The following CBFA2T3 variants were observed in gnomAD, a reference collection of about 807,000 sequenced individuals.
CBFA2T3 encodes the protein CBFA2/RUNX1 partner transcriptional co-repressor 3, also known as transcriptional corepressor CBFA2T3.
Under a neutral mutation model 58.6 loss-of-function variants are expected in CBFA2T3, and 31 were observed. That is an observed-to-expected ratio of 0.53 (90% CI 0.40 to 0.71). The LOEUF (loss-of-function observed/expected upper bound fraction) is 0.71, where lower values mean the gene tolerates loss of function less well. Among genes scored for constraint, CBFA2T3 ranks in the 30% least tolerant of loss-of-function variants. The pLI, the probability that CBFA2T3 is intolerant of heterozygous loss-of-function variation, is 0.00. For missense variants in CBFA2T3, 1,076 were observed against 963.1 expected (o/e 1.12, Z -1.55); for synonymous variants, 531 against 421.9 (o/e 1.26, Z -3.17).
Position 88,875,430 on chromosome 16 carries a change from T to G in CBFA2T3, c.*1546A>C, listed in dbSNP as rs961131786. ...GCCAGAGGCGAACGCATCTGAGGGG[T>G]GGCTGGGCAGGAGCACCAGGGCTAT... On this transcript the variant is annotated 3_prime_UTR_variant, in exon 12 of 12. Transcript: ENST00000268679. The G allele has an allele frequency of 4.3e-6, 1 of 230,626 alleles. No homozygotes were observed. Among genetic ancestry groups the G allele is most frequent in the Non-Finnish European group, 8.5e-6 (1 of 117,684 alleles). 14.3% of individuals were successfully genotyped at this position (230,626 alleles called of 1,614,324 possible). A position where few individuals can be genotyped will look rare whatever the true frequency, so the allele number is the denominator to read the frequency against.
At chr16:88,938,868 G>A (rs1291655384) in intron 1 of CBFA2T3, 4 of 152,194 alleles carry the variant, frequency 2.6e-5, no homozygotes, top group East Asian at 1.9e-4. Context: ...ACCTGCTAAC[G>A]GTGCAGCAGG....
At chr16:88,971,703 G>A (rs1037855492) in intron 1 of CBFA2T3, among the ~76,000 whole-genome samples, 1 of 152,240 alleles carries the variant, frequency 6.6e-6, no homozygotes, top group Non-Finnish European at 1.5e-5. Context: ...CAAAGGGTGG[G>A]TGGGCGGCCC....
intron 1 of CBFA2T3, among the ~76,000 whole-genome samples, chr16:88,927,345 T>C (rs1047368225): frequency 6.6e-6 from 1 of 152,144 alleles, no homozygotes; most frequent in African/African-American, 2.4e-5. Context: ...CTGGGCCCCA[T>C]CTGTGGGGAG....
chr16:88,950,496 G>A (rs1404246161), intron 1 of CBFA2T3: 1 of 404,954 alleles, frequency 2.5e-6, no homozygotes, highest in Non-Finnish European at 4.8e-6. Context: ...CCGCCACAGA[G>A]GGTCAGGAGT....
chr16:88,957,319 G>A lies in CBFA2T3; in HGVS notation c.151+19338C>T, dbSNP rs543382990. Among the ~76,000 whole-genome samples the A allele has an allele frequency of 3.3e-5, 5 of 152,278 alleles. No individual in the cohort carries two copies. The East Asian group carries it at 7.7e-4, about 24-fold the overall frequency. ...CTTTCCCTGCCCTCGGGACACCCCC[G>A]CCCCCACGGCAGATGCCACTGCCTT... is the stretch of plus-strand genomic sequence containing the variant. On this transcript the variant is annotated intron_variant, in intron 1 of 11. Coordinates refer to ENST00000268679, the MANE Select transcript of CBFA2T3 (RefSeq NM_005187.6).
At chr16:88,941,264 G>C in intron 1 of CBFA2T3, 3 of 752,792 alleles carry the variant, frequency 4.0e-6, no homozygotes, top group African/African-American at 1.9e-5. Flanking sequence ...CACCCCGCCC[G>C]GGGCGGTCTC....
intron 1 of CBFA2T3, among the ~76,000 whole-genome samples, chr16:88,923,992 G>T (rs1268668284): frequency 6.6e-6 from 1 of 152,246 alleles, no homozygotes; most frequent in Non-Finnish European, 1.5e-5. Flanking sequence ...GCCCGGCAAG[G>T]GTGCACAGCG....
At chr16:88,879,692 T>C in intron 10 of CBFA2T3, 1 of 510,624 alleles carries the variant, frequency 2.0e-6, no homozygotes, top group Non-Finnish European at 3.5e-6. Flanking sequence ...GACAAGTGCA[T>C]GCAAATAAAC....
chr16:88,876,093 A>C lies in CBFA2T3; in HGVS notation c.*883T>G, dbSNP rs191927600. ...AACCCAAGAGCAAGTGAAACAGTGA[A>C]AAAAATACTTTGGCAGTGACAAACA... On this transcript the variant is annotated 3_prime_UTR_variant, in exon 12 of 12. Coordinates refer to ENST00000268679, the MANE Select transcript of CBFA2T3 (RefSeq NM_005187.6). 6.4e-5 allele frequency: 15 copies of C among 233,054 alleles called. No homozygotes were observed. The East Asian group carries it at 9.1e-4, about 14-fold the overall frequency. The allele number at this position is 233,054 out of a possible 1,614,324, so 14.4% of individuals were successfully genotyped here. A position where few individuals can be genotyped will look rare whatever the true frequency, so the allele number is the denominator to read the frequency against.
chr16:88,892,705 G>C (rs574225515), intron 3 of CBFA2T3, among the ~76,000 whole-genome samples: 2 of 152,194 alleles, frequency 1.3e-5, no homozygotes, highest in African/African-American at 2.4e-5. Context: ...CTGTCCTTCC[G>C]GCCCTGCTCT....
At chr16:88,906,796 C>G (rs1368470415) in intron 1 of CBFA2T3, among the ~76,000 whole-genome samples, 1 of 152,174 alleles carries the variant, frequency 6.6e-6, no homozygotes, top group African/African-American at 2.4e-5. Context: ...CCCAGAAGCA[C>G]CAGGGCATGT....
At position 88,951,025 on chromosome 16, in the gene CBFA2T3, C is replaced by T. The variant is rs138490381; in HGVS notation, c.151+25632G>A. 2,678 of 414,282 alleles carry T rather than the reference C, an allele frequency of 6.5e-3. 21 individuals are homozygous for T. The highest frequency in any genetic ancestry group is 0.01 in the Non-Finnish European group (2,094 of 207,962). 25.7% of individuals were successfully genotyped at this position (414,282 alleles called of 1,614,324 possible). On this transcript the variant is annotated intron_variant, in intron 1 of 11. Transcript: ENST00000268679. ...GTTCACCCCTCGCCTGGACCGGCAC[C>T]GGCACAGAGGGTCAGAGTGTTGGCA...
intron 3 of CBFA2T3, among the ~76,000 whole-genome samples, chr16:88,897,643 C>CG (rs796511699): frequency 3.3e-5 from 5 of 152,282 alleles, no homozygotes; most frequent in African/African-American, 9.6e-5. Context: ...AACTGAGGCA[C>CG]GGGGGGTGGT....
chr16:88,976,390 A>C (rs1387923981), intron 1 of CBFA2T3, among the ~76,000 whole-genome samples: 1 of 151,274 alleles, frequency 6.6e-6, no homozygotes, highest in Admixed American at 6.6e-5. Flanking sequence ...GACGGGGCTG[A>C]GCAGCCCGGC....
At chr16:88,916,333 T>A (rs528194078) in intron 1 of CBFA2T3, among the ~76,000 whole-genome samples, 2 of 151,718 alleles carry the variant, frequency 1.3e-5, no homozygotes, top group Non-Finnish European at 2.9e-5. Context: ...CGTGTATTCA[T>A]GTGTGTGCAT....
At chr16:88,921,177 A>T (rs1012262011) in intron 1 of CBFA2T3, among the ~76,000 whole-genome samples, 8 of 152,276 alleles carry the variant, frequency 5.3e-5, no homozygotes, top group African/African-American at 9.6e-5. Context: ...AAATATTTTT[A>T]AAAATGTGTT....
At chr16:88,900,431 G>A (rs906981948) in intron 2 of CBFA2T3, among the ~76,000 whole-genome samples, 7 of 152,226 alleles carry the variant, frequency 4.6e-5, no homozygotes, top group African/African-American at 1.7e-4. Flanking sequence ...CAGCCTCAGC[G>A]GCAGAGCCAG....
intron 1 of CBFA2T3, among the ~76,000 whole-genome samples, chr16:88,972,177 C>T (rs891489855): frequency 1.6e-4 from 25 of 152,092 alleles, no homozygotes; most frequent in Non-Finnish European, 3.7e-4. Context: ...ATTCCAGCAG[C>T]CACTGAGGCC....
At chr16:88,904,303 C>T (rs922632882) in intron 1 of CBFA2T3, among the ~76,000 whole-genome samples, 5 of 152,066 alleles carry the variant, frequency 3.3e-5, no homozygotes, top group African/African-American at 9.7e-5. Context: ...CAGATATCGA[C>T]GACTCATTGC....
Sources: gnomAD v4.1 joint callset for allele counts (sites outside exome capture counted in the v4.1 genomes callset) on GRCh38, gnomAD v4.1.1 for gene constraint, MANE v1.5 for transcripts, NCBI Gene and HGNC (gene_info 2026-07-23, HGNC 2026-07-21) for gene names.